ZBTB20: variants seen among roughly 807,000 people sequenced by gnomAD.
ZBTB20 encodes the protein zinc finger and BTB domain-containing protein 20.
Under a neutral mutation model 56.9 loss-of-function variants are expected in ZBTB20, and 9 were observed. The ratio of observed to expected loss-of-function variants is 0.16; its 90% CI spans 0.10 to 0.28. The LOEUF is 0.28. ZBTB20 is among the 10% of genes least tolerant of loss of function. The pLI is 1.00. For missense variants in ZBTB20, 655 were observed against 1,003.0 expected (o/e 0.65, Z 4.69); for synonymous variants, 417 against 420.7 (o/e 0.99, Z 0.11).
intron 1 of ZBTB20, among the ~76,000 whole-genome samples, chr3:115,146,888 G>A (rs1442500052): frequency 6.6e-6 from 1 of 151,546 alleles, no homozygotes; most frequent in Admixed American, 6.6e-5. Flanking sequence ...CGTCCCGCCC[G>A]CCCCGCCACC....
Position 115,118,817 on chromosome 3 carries a change from C to T in ZBTB20, c.-703+28402G>A, listed in dbSNP as rs536653861. ...CTCACTGCAAGCTCCGCCTCCCGGG[C>T]TCACGCCAAGTACAAATGTTTTTGT... On this transcript the variant is annotated intron_variant, in intron 1 of 11. Coordinates refer to ENST00000675478, the MANE Select transcript of ZBTB20 (RefSeq NM_001348800.3). Among the ~76,000 whole-genome samples, 5 of 148,880 alleles carry T rather than the reference C, an allele frequency of 3.4e-5. No homozygotes were observed. The South Asian group carries it at 8.5e-4, about 25-fold the overall frequency.
At position 114,893,714 on chromosome 3, in the gene ZBTB20, GA is replaced by G. The variant is rs147811498; in HGVS notation, c.-417+6589del. On this transcript the variant is annotated intron_variant, in intron 4 of 11. Transcript: ENST00000675478. ...AATCACAAGCTACCTGGTAAATAGT[GA>G]AAAAAAAAAGATGAGGAAGGGGAGG... 6.1e-5 allele frequency among the ~76,000 whole-genome samples: 9 copies of G among 148,418 alleles called. No homozygotes were observed. The East Asian group carries it at 7.9e-4, about 13-fold the overall frequency.
At chr3:114,630,844 G>A (rs1297629567) in intron 6 of ZBTB20, among the ~76,000 whole-genome samples, 1 of 152,136 alleles carries the variant, frequency 6.6e-6, no homozygotes, top group Non-Finnish European at 1.5e-5. Flanking sequence ...TAATACATTG[G>A]TAACTGGCAC....
chr3:114,750,084 G>A (rs935525080), intron 5 of ZBTB20, among the ~76,000 whole-genome samples: 2 of 152,152 alleles, frequency 1.3e-5, no homozygotes, highest in African/African-American at 4.8e-5. Context: ...CTAGCTTATG[G>A]TTATGTGGAA....
intron 2 of ZBTB20, among the ~76,000 whole-genome samples, chr3:115,035,777 C>T (rs952533162): frequency 6.6e-6 from 1 of 152,076 alleles, no homozygotes; most frequent in Non-Finnish European, 1.5e-5. Context: ...CAGCCATATT[C>T]ACAACACCCA....
chr3:114,651,489 G>A (rs2060124195), intron 6 of ZBTB20, among the ~76,000 whole-genome samples: 1 of 146,822 alleles, frequency 6.8e-6, no homozygotes, highest in South Asian at 2.1e-4. Flanking sequence ...CTTTTCTTTG[G>A]CTTTGACAAT....
intron 6 of ZBTB20, among the ~76,000 whole-genome samples, chr3:114,546,256 A>T (rs1219220398): frequency 1.3e-5 from 2 of 152,196 alleles, no homozygotes; most frequent in African/African-American, 4.8e-5. Context: ...CTGGGTGGGC[A>T]TGCTTATCAA....
At chr3:114,927,488 C>A (rs999980725) in intron 3 of ZBTB20, among the ~76,000 whole-genome samples, 1 of 152,120 alleles carries the variant, frequency 6.6e-6, no homozygotes, top group African/African-American at 2.4e-5. Flanking sequence ...TTTAGTTTCA[C>A]AACAGGCATG....
intron 6 of ZBTB20, among the ~76,000 whole-genome samples, chr3:114,637,932 CT>C (rs2107887713): frequency 6.6e-6 from 1 of 152,086 alleles, no homozygotes; most frequent in South Asian, 2.1e-4. Context: ...ACACTGTTTC[CT>C]TTTCCCCCCA....
chr3:115,001,281 T>C (rs898794451), intron 2 of ZBTB20, among the ~76,000 whole-genome samples: 3 of 151,380 alleles, frequency 2.0e-5, no homozygotes, highest in Admixed American at 6.6e-5. Flanking sequence ...TCCTACAAGA[T>C]AAAGAAGTCA....
At chr3:114,453,100 G>T (rs6438209) in intron 7 of ZBTB20, among the ~76,000 whole-genome samples, 24,160 of 151,970 alleles carry the variant, frequency 0.16, 3,351 homozygotes, top group African/African-American at 0.36. Context: ...ATTTCTTTTT[G>T]CTTTTGTTGG....
At chr3:114,638,793 G>A (rs1348569852) in intron 6 of ZBTB20, among the ~76,000 whole-genome samples, 1 of 151,906 alleles carries the variant, frequency 6.6e-6, no homozygotes, top group Non-Finnish European at 1.5e-5. Context: ...TACAATAAAA[G>A]CAAATTTTTA....
chr3:115,019,943 T>A lies in ZBTB20; in HGVS notation c.-506-45527A>T, dbSNP rs919585795. Among the ~76,000 whole-genome samples, 57 of 151,070 alleles carry A rather than the reference T, an allele frequency of 3.8e-4. 1 individual carries two copies. Among genetic ancestry groups the A allele is most frequent in the African/African-American group, 1.4e-3 (57 of 41,274 alleles). The stretch of plus-strand genomic sequence containing the variant: ...AAGAAATAAAATGCTTCCACAAAAA[T>A]AAGAACAACAAAAATTCAGGAGATA... On this transcript the variant is annotated intron_variant, in intron 2 of 11. Coordinates refer to ENST00000675478, the MANE Select transcript of ZBTB20 (RefSeq NM_001348800.3).
chr3:114,481,167 G>A (rs1431229989), intron 7 of ZBTB20, among the ~76,000 whole-genome samples: 2 of 151,472 alleles, frequency 1.3e-5, no homozygotes, highest in Non-Finnish European at 2.9e-5. Flanking sequence ...TTTGTGGATT[G>A]CACATTCTGT....
chr3:114,726,946 GAGATA>G (rs2065352067), intron 5 of ZBTB20, among the ~76,000 whole-genome samples: 1 of 140,270 alleles, frequency 7.1e-6, no homozygotes, highest in Non-Finnish European at 1.5e-5. Context: ...AAAAGTCAGT[GAGATA>G]AGAGAAGAGT....
At chr3:114,946,211 C>T (rs967560016) in intron 3 of ZBTB20, among the ~76,000 whole-genome samples, 1 of 145,460 alleles carries the variant, frequency 6.9e-6, no homozygotes, top group Admixed American at 6.6e-5. Context: ...ACAAAGTACA[C>T]ATATTTGCAG....
intron 5 of ZBTB20, among the ~76,000 whole-genome samples, chr3:114,713,018 GA>G (rs1431723744): frequency 6.6e-6 from 1 of 152,110 alleles, no homozygotes; most frequent in Non-Finnish European, 1.5e-5. Flanking sequence ...GGTACATGTA[GA>G]ATATATGATA....
At chr3:114,490,148 C>A (rs575307091) in intron 7 of ZBTB20, among the ~76,000 whole-genome samples, 2 of 152,222 alleles carry the variant, frequency 1.3e-5, no homozygotes, top group African/African-American at 4.8e-5. Flanking sequence ...CCTTGAATAA[C>A]AAACAGGGAT....
At chr3:114,955,283 T>TA (rs2077208045) in intron 3 of ZBTB20, among the ~76,000 whole-genome samples, 3 of 152,220 alleles carry the variant, frequency 2.0e-5, no homozygotes, top group Admixed American at 2.0e-4. Flanking sequence ...ACACTCTAGC[T>TA]AAAAGTCAGA....
Sources: allele counts gnomAD v4.1 joint callset (sites outside exome capture counted in the v4.1 genomes callset), GRCh38; gene constraint gnomAD v4.1.1; transcripts MANE v1.5; gene names NCBI Gene and HGNC (gene_info 2026-07-23, HGNC 2026-07-21).